Variants in FRMD6 observed in about 807,000 individuals in gnomAD.
FRMD6 encodes the protein FERM domain containing 6, also known as FERM domain-containing protein 6.
Under a neutral mutation model 73.2 loss-of-function variants are expected in FRMD6, and 37 were observed. The ratio of observed to expected loss-of-function variants is 0.51; its 90% CI spans 0.39 to 0.66. FRMD6 has a LOEUF of 0.66. Ranked by LOEUF, FRMD6 falls within the 30% of genes least tolerant of loss-of-function variation. FRMD6 has a pLI of 0.00. For synonymous variants in FRMD6, 273 were observed against 282.2 expected (o/e 0.97, Z 0.33); for missense variants, 714 against 780.5 (o/e 0.91, Z 1.02).
At chr14:51,483,321 G>A in the FRMD6 span, among the ~76,000 whole-genome samples, 1,257 of 152,304 alleles carry the variant, frequency 8.3e-3, 9 homozygotes, top group Non-Finnish European at 0.015. Context: ...TAACTGGGGA[G>A]ACCAGCAGTA....
In FRMD6 at chr14:51,581,501, G is replaced by A. The variant is rs138262019; in HGVS notation, c.-147+11091G>A. On this transcript the variant is annotated intron_variant, in intron 2 of 14. Transcript: ENST00000356218. ...TAGAAGAAATTCTTATCTTTTGGAG[G>A]CATTTACAGTGCATATCCTTATCAG... is the stretch of plus-strand genomic sequence containing the variant. 9.5e-3 allele frequency among the ~76,000 whole-genome samples: 1,452 copies of A among 152,202 alleles called. 20 individuals are homozygous for A. Among genetic ancestry groups the A allele is most frequent in the African/African-American group, 0.033 (1,357 of 41,532 alleles).
Position 51,587,534 on chromosome 14 carries a change from G to A in FRMD6, c.-147+17124G>A, listed in dbSNP as rs889388817. Among the ~76,000 whole-genome samples the A allele has an allele frequency of 6.6e-5, 10 of 152,140 alleles. No individual in the cohort carries two copies. In the South Asian group the frequency reaches 1.2e-3, roughly 19 times the overall value. On this transcript the variant is annotated intron_variant, in intron 2 of 14. Coordinates refer to the FRMD6 transcript ENST00000356218. ...TAAAGATTTATCACTGCTGTTTCCC[G>A]TGGGGGTGTGGTTGAGTAAGGTGTT... is the stretch of plus-strand genomic sequence containing the variant.
chr14:51,411,785 A>G, the FRMD6 span, among the ~76,000 whole-genome samples: 1 of 152,184 alleles, frequency 6.6e-6, no homozygotes, highest in African/African-American at 2.4e-5. Context: ...TTTTGTTTAA[A>G]TATCTTATTT....
intron 1 of FRMD6, among the ~76,000 whole-genome samples, chr14:51,559,474 T>C (rs971649725): frequency 9.6e-5 from 14 of 145,626 alleles, no homozygotes; most frequent in African/African-American, 1.9e-4. Flanking sequence ...CCACGTTACT[T>C]TTTTTTTTTT....
chr14:51,701,803 C>G (rs764775055), intron 4 of FRMD6, among the ~76,000 whole-genome samples: 2 of 151,508 alleles, frequency 1.3e-5, no homozygotes, highest in Admixed American at 6.6e-5. Flanking sequence ...TTTGGCTATG[C>G]TAGGTGTCAA....
At position 51,644,353 on chromosome 14, in the gene FRMD6, T is replaced by TCACACACACA. The variant is rs375341468; in HGVS notation, c.-146-45312_-146-45303dup. Among the ~76,000 whole-genome samples the TCACACACACA allele has an allele frequency of 4.3e-3, 610 of 142,146 alleles. 3 individuals are homozygous for TCACACACACA. The highest frequency in any genetic ancestry group is 6.9e-3 in the African/African-American group (261 of 37,630). 93.3% of individuals were successfully genotyped at this position (142,146 alleles called of 152,430 possible). The stretch of plus-strand genomic sequence containing the variant: ...ATCTCAGATTTCTCTGCCTCACCCT[T>TCACACACACA]CACACACACACACACACACACACAC... On this transcript the variant is annotated intron_variant, in intron 2 of 14. Coordinates refer to the FRMD6 transcript ENST00000356218.
At chr14:51,408,871 A>G in the FRMD6 span, among the ~76,000 whole-genome samples, 27 of 152,136 alleles carry the variant, frequency 1.8e-4, no homozygotes, top group Non-Finnish European at 3.4e-4. Context: ...CAAGGATCCA[A>G]ATGGTTTTCA....
At chr14:51,489,085 C>T (rs770771583), upstream of FRMD6, 2 of 152,200 alleles carry the variant, frequency 1.3e-5, no homozygotes, top group African/African-American at 2.4e-5. Flanking sequence ...ATGAGTAATG[C>T]AGTGGCAGAT....
the FRMD6 span, among the ~76,000 whole-genome samples, chr14:51,405,309 G>A: frequency 6.6e-6 from 1 of 152,118 alleles, no homozygotes; most frequent in Non-Finnish European, 1.5e-5. Context: ...GGATTTCTGG[G>A]TCTAATGGTA....
chr14:51,482,376 C>G, the FRMD6 span, among the ~76,000 whole-genome samples: 1 of 152,220 alleles, frequency 6.6e-6, no homozygotes, highest in Non-Finnish European at 1.5e-5. Flanking sequence ...CACACAGTCT[C>G]CAGCGCCAAT....
chr14:51,588,972 C>T (rs1186332822), intron 2 of FRMD6, among the ~76,000 whole-genome samples: 1 of 152,198 alleles, frequency 6.6e-6, no homozygotes, highest in East Asian at 1.9e-4. Context: ...ACTGTCCAGG[C>T]TTCTCTGGGT....
intron 1 of FRMD6, among the ~76,000 whole-genome samples, chr14:51,533,079 C>G (rs1885682167): frequency 6.6e-6 from 1 of 152,236 alleles, no homozygotes; most frequent in Non-Finnish European, 1.5e-5. Context: ...TCCTCCATGT[C>G]TTGCCAAGTG....
chr14:51,445,574 A>C, the FRMD6 span, among the ~76,000 whole-genome samples: 2 of 152,112 alleles, frequency 1.3e-5, no homozygotes, highest in Non-Finnish European at 2.9e-5. Flanking sequence ...GCAGTTGAGG[A>C]AACTGAGGTC....
At chr14:51,562,115 G>A (rs1887516398) in intron 1 of FRMD6, among the ~76,000 whole-genome samples, 1 of 152,194 alleles carries the variant, frequency 6.6e-6, no homozygotes, top group South Asian at 2.1e-4. Flanking sequence ...GTTGAGCGAT[G>A]AGTATTTGAG....
the FRMD6 span, among the ~76,000 whole-genome samples, chr14:51,398,155 G>GCTGGTTAAGT: frequency 2.0e-5 from 3 of 152,282 alleles, no homozygotes; most frequent in Admixed American, 2.0e-4. Context: ...TTTCCTCTCA[G>GCTGGTTAAGT]CATTAGAGCT....
intron 2 of FRMD6, among the ~76,000 whole-genome samples, chr14:51,597,557 T>C (rs988606898): frequency 1.3e-5 from 2 of 152,240 alleles, no homozygotes; most frequent in Non-Finnish European, 2.9e-5. Context: ...AAGGCAGCTC[T>C]GCCACCCTGT....
intron 2 of FRMD6, among the ~76,000 whole-genome samples, chr14:51,693,981 T>G (rs1895777030): frequency 6.6e-6 from 1 of 152,236 alleles, no homozygotes; most frequent in African/African-American, 2.4e-5. Flanking sequence ...GTATAGAGTT[T>G]GAGTGTAATA....
At chr14:51,713,671 G>T (rs950371825) in intron 9 of FRMD6, 8 of 152,128 alleles carry the variant, frequency 5.3e-5, no homozygotes, top group African/African-American at 1.9e-4. Flanking sequence ...ATGCTGCCCT[G>T]TAAGTCAAAA....
chr14:51,488,889 A>G (rs1341666178), upstream of FRMD6, among the ~76,000 whole-genome samples: 1 of 152,142 alleles, frequency 6.6e-6, no homozygotes, highest in Non-Finnish European at 1.5e-5. Flanking sequence ...TTTTTGTGGT[A>G]TATTTTATCC....
Sources: allele counts gnomAD v4.1 joint callset (sites outside exome capture counted in the v4.1 genomes callset), GRCh38; gene constraint gnomAD v4.1.1; transcripts MANE v1.5; gene names NCBI Gene and HGNC (gene_info 2026-07-23, HGNC 2026-07-21).